HELZ: variants seen among roughly 807,000 people sequenced by gnomAD.
HELZ encodes helicase with zinc finger, also known as ATP-dependent RNA helicase with zinc finger domain.
HELZ carries 23 observed loss-of-function variants against 218.2 expected under a neutral mutation model. The ratio of observed to expected loss-of-function variants is 0.11; its 90% CI spans 0.08 to 0.15. HELZ has a LOEUF of 0.15. HELZ is among the 10% of genes least tolerant of loss of function. The pLI, the probability that HELZ is intolerant of heterozygous loss-of-function variation, is 1.00. For missense variants in HELZ, 1,813 were observed against 2,353.7 expected (o/e 0.77, Z 4.75); for synonymous variants, 814 against 829.4 (o/e 0.98, Z 0.32).
At chr17:67,158,253 G>A (rs1399290446) in intron 17 of HELZ, among the ~76,000 whole-genome samples, 1 of 152,072 alleles carries the variant, frequency 6.6e-6, no homozygotes, top group Non-Finnish European at 1.5e-5. Flanking sequence ...TTGCTCCCTA[G>A]AGACACCCAT....
At position 67,107,603 on chromosome 17, in the gene HELZ, T is replaced by C. The variant is rs1372979744; in HGVS notation, c.4807A>G (p.Arg1603Gly). 6.2e-7 allele frequency: 1 copy of C among 1,614,172 alleles called. No homozygotes were observed. ...TGTACTTGTCTATATTGCAAAAGTC[T>C]TGATTGAGGTGGTGGCATTTCAGCT... ...ELAEMPPPQS[R>G]LLQYRQVQSR... Residue 1603 changes from arginine (R) to glycine (G), a missense_variant, in exon 31 of 33, where the codon AGA becomes GGA. By Grantham distance (125) the Arg-to-Gly change is moderately radical. Around this residue, in one of 4 missense-constraint regions of HELZ, gnomAD observed 938 missense variants for 1,027.5 expected, o/e 0.91. Transcript: ENST00000358691.
intron 5 of HELZ, among the ~76,000 whole-genome samples, chr17:67,213,390 G>A (rs913286033): frequency 2.6e-5 from 4 of 152,082 alleles, no homozygotes; most frequent in Non-Finnish European, 4.4e-5. Context: ...TTGGGACGCC[G>A]AGGCAGGCAG....
At chr17:67,130,045 GT>G (rs1341604557) in intron 23 of HELZ, among the ~76,000 whole-genome samples, 1 of 152,124 alleles carries the variant, frequency 6.6e-6, no homozygotes, top group African/African-American at 2.4e-5. Flanking sequence ...TGGGAATTGG[GT>G]TATTAATATA....
chr17:67,242,474 A>G (rs1233246768), intron 2 of HELZ, among the ~76,000 whole-genome samples: 3 of 150,804 alleles, frequency 2.0e-5, no homozygotes, highest in Non-Finnish European at 4.4e-5. Flanking sequence ...ACATATATAC[A>G]CATATATACA....
intron 18 of HELZ, among the ~76,000 whole-genome samples, 179 bp downstream of exon 18, chr17:67,150,867 C>T (rs1180134526): frequency 6.6e-6 from 1 of 152,154 alleles, no homozygotes; most frequent in Non-Finnish European, 1.5e-5. Context: ...CTCAACTCAG[C>T]CACTGTAACA....
intron 7 of HELZ, among the ~76,000 whole-genome samples, chr17:67,195,852 C>CTT (rs1238942016): frequency 2.8e-4 from 24 of 84,858 alleles, no homozygotes; most frequent in South Asian, 4.6e-4. Context: ...TTTTTTTTTT[C>CTT]TTTTTTTTTT....
At chr17:67,103,432 G>T (rs1437978144) in intron 31 of HELZ, among the ~76,000 whole-genome samples, 2 of 152,264 alleles carry the variant, frequency 1.3e-5, no homozygotes, top group East Asian at 3.9e-4. Context: ...ATATCATCAT[G>T]TGGTTAAACA....
intron 21 of HELZ, among the ~76,000 whole-genome samples, 180 bp downstream of exon 21, chr17:67,145,563 T>C (rs528875051): frequency 1.4e-4 from 21 of 152,148 alleles, no homozygotes; most frequent in Non-Finnish European, 2.4e-4. Flanking sequence ...TTGCTTCCCA[T>C]AGGAGATTCA....
chr17:67,229,390 C>T (rs2040978384), intron 3 of HELZ, among the ~76,000 whole-genome samples: 1 of 152,144 alleles, frequency 6.6e-6, no homozygotes, highest in Admixed American at 6.5e-5. Context: ...AATGCTTCAA[C>T]ATCTACTTCT....
rs553189789 is a variant in HELZ at position 67,218,472 on chromosome 17, G to A, written c.210+123C>T. The stretch of plus-strand genomic sequence containing the variant: ...GTTACCTTGCCATCAAATATATTCA[G>A]CAATCACCAGCCACTTCACTCACAT... On this transcript the variant is annotated intron_variant, in intron 4 of 32. Coordinates refer to ENST00000358691, the MANE Select transcript of HELZ (RefSeq NM_014877.4). 7.3e-5 allele frequency: 56 copies of A among 765,584 alleles called. No homozygotes were observed. In the South Asian group the frequency reaches 8.8e-4, roughly 12 times the overall value. 47.4% of individuals were successfully genotyped at this position (765,584 alleles called of 1,614,324 possible). A position where few individuals can be genotyped will look rare whatever the true frequency, so the allele number is the denominator to read the frequency against.
At chr17:67,087,142 T>C in intron 31 of HELZ, 61 bp from the exon 32 acceptor site, 1 of 1,481,176 alleles carries the variant, frequency 6.8e-7, no homozygotes, top group Non-Finnish European at 9.4e-7. Context: ...TCCTCTCTCT[T>C]TTCACTCCAT....
chr17:67,199,070 T>G (rs2040100516), intron 7 of HELZ, among the ~76,000 whole-genome samples: 1 of 152,138 alleles, frequency 6.6e-6, no homozygotes, highest in Admixed American at 6.5e-5. Context: ...CCAAAAATCT[T>G]AACAAAATGA....
chr17:67,195,852 C>CTTTTTTTTTTTTTT (rs1238942016), intron 7 of HELZ, among the ~76,000 whole-genome samples: 1 of 84,846 alleles, frequency 1.2e-5, no homozygotes, highest in African/African-American at 4.1e-5. Context: ...TTTTTTTTTT[C>CTTTTTTTTTTTTTT]TTTTTTTTTT....
In HELZ at chr17:67,160,987, G is replaced by A. The variant is rs1303236941; in HGVS notation, c.1985C>T (p.Pro662Leu). ...ATAGGGTCCGATGATAAGCACAGGC[G>A]GCAGCTGGATTGCAAGTGGAGTGGT... ...AITTPLAIQL[P>L]PVLIIGPYGT... The change falls in exon 16 of 33, where the codon CCG (proline) becomes CTG (leucine). Residue 662 changes from proline to leucine, a missense_variant. By Grantham distance (98) the Pro-to-Leu change is moderately conservative. Transcript: ENST00000358691. The A allele has an allele frequency of 1.2e-5, 20 of 1,613,786 alleles. No individual in the cohort carries two copies. Among genetic ancestry groups the A allele is most frequent in the Non-Finnish European group, 1.4e-5 (17 of 1,179,826 alleles).
At chr17:67,136,219 G>A in intron 22 of HELZ, 21 bp from the exon 23 acceptor site, 2 of 1,499,984 alleles carry the variant, frequency 1.3e-6, no homozygotes, top group Non-Finnish European at 1.8e-6. Context: ...AATTTTTTAA[G>A]AAAAGACTTA....
intron 27 of HELZ, among the ~76,000 whole-genome samples, chr17:67,116,232 A>G (rs2037422460): frequency 6.6e-6 from 1 of 152,104 alleles, no homozygotes; most frequent in South Asian, 2.1e-4. Flanking sequence ...TACTCTACCA[A>G]TCCAGAAGAG....
At chr17:67,223,011 G>T (rs142297726) in intron 3 of HELZ, among the ~76,000 whole-genome samples, 1 of 151,482 alleles carries the variant, frequency 6.6e-6, no homozygotes, top group Non-Finnish European at 1.5e-5. Context: ...ACTTTGGGAG[G>T]CCGAGGCGAG....
At chr17:67,109,749 T>C in intron 28 of HELZ, 63 bp from the exon 29 acceptor site, 1 of 1,247,406 alleles carries the variant, frequency 8.0e-7, no homozygotes, top group Non-Finnish European at 1.1e-6. Flanking sequence ...CTCTCCACCT[T>C]TTCCCAACCC....
At position 67,191,537 on chromosome 17, in the gene HELZ, T is replaced by C. The variant is rs555874725; in HGVS notation, c.558-1182A>G. 4.4e-3 allele frequency among the ~76,000 whole-genome samples: 671 copies of C among 152,172 alleles called. 5 individuals are homozygous for C. The highest frequency in any genetic ancestry group is 0.015 in the African/African-American group (629 of 41,540). ...CACGATCTCGGCTCACTGCAGCCTC[T>C]GCCTCCCGGGTTCAAGGGATGCTCC... On this transcript the variant is annotated intron_variant, in intron 9 of 32. Transcript: ENST00000358691.
Sources: allele counts gnomAD v4.1 joint callset (sites outside exome capture counted in the v4.1 genomes callset), GRCh38; gene constraint gnomAD v4.1.1; regional missense constraint gnomAD v4.1.1; transcripts MANE v1.5; gene names NCBI Gene and HGNC (gene_info 2026-07-23, HGNC 2026-07-21).